The following IDS variants were observed in gnomAD, a reference collection of about 807,000 sequenced individuals.
IDS encodes alpha-L-iduronate sulfate sulfatase.
A neutral mutation model predicts 33.5 loss-of-function variants in IDS; 1 was observed. The ratio of observed to expected loss-of-function variants is 0.03; its 90% CI spans 0.01 to 0.14. The LOEUF (loss-of-function observed/expected upper bound fraction) is 0.14, where lower values mean the gene tolerates loss of function less well. Among genes scored for constraint, IDS ranks in the 10% least tolerant of loss-of-function variants. The probability of loss-of-function intolerance (pLI) is 1.00; values close to 1 mark genes in which losing one functional copy is unlikely to be tolerated. For missense variants in IDS, 328 were observed against 448.0 expected (o/e 0.73, Z 2.42); for synonymous variants, 191 against 184.4 (o/e 1.04, Z -0.29).
At chrX:149,496,562 A>G (rs2124042259) in intron 5 of IDS, 46 bp from the exon 6 acceptor site, 2 of 1,163,123 alleles carry the variant, frequency 1.7e-6, no homozygotes, top group East Asian at 5.9e-5. Flanking sequence ...CTTTTAGCAA[A>G]AGCACAAGCT....
chrX:149,496,041 G>A (rs1247815810), intron 6 of IDS, among the ~76,000 whole-genome samples: 1 of 112,312 alleles, frequency 8.9e-6, no homozygotes, highest in Non-Finnish European at 1.9e-5. Context: ...TATCCCCTGG[G>A]TTAGGAACGG....
chrX:149,482,357 T>C lies in IDS; in HGVS notation c.*389A>G, dbSNP rs2089300092. On this transcript the variant is annotated 3_prime_UTR_variant, in exon 9 of 9. Transcript: ENST00000340855. ...CCTAGTTTGATATATGATTACTTTT[T>C]GAAATGCACTAAATTCCACAAATAA... 1 of 155,400 alleles carries C rather than the reference T, an allele frequency of 6.4e-6. No individual in the cohort carries two copies. 12.8% of individuals were successfully genotyped at this position (155,400 alleles called of 1,213,427 possible). A position where few individuals can be genotyped will look rare whatever the true frequency, so the allele number is the denominator to read the frequency against.
In IDS at chrX:149,478,565, A is replaced by G. The variant is rs1180025410; in HGVS notation, c.*4181T>C. 1.8e-5 allele frequency: 2 copies of G among 113,023 alleles called. No homozygotes were observed. The highest frequency in any genetic ancestry group is 3.7e-5 in the Non-Finnish European group (2 of 53,421). The allele number at this position is 113,023 out of a possible 1,213,427, so 9.3% of individuals were successfully genotyped here. A position where few individuals can be genotyped will look rare whatever the true frequency, so the allele number is the denominator to read the frequency against. Reference sequence around the variant, plus strand: ...TGGTAGTCTGCATGTATGTAAAGCTAAATATGTCCATATCTGCATATATGT... The same window carrying G: ...TGGTAGTCTGCATGTATGTAAAGCTGAATATGTCCATATCTGCATATATGT... On this transcript the variant is annotated 3_prime_UTR_variant, in exon 9 of 9. Transcript: ENST00000340855.
Position 149,479,378 on chromosome X carries a change from T to C in IDS, c.*3368A>G, listed in dbSNP as rs782729444. ...TTACCATCAGGTTGCTTATTTTTGT[T>C]TTATGTTTTTTATTTGTATGCATGT... On this transcript the variant is annotated 3_prime_UTR_variant, in exon 9 of 9. Coordinates refer to ENST00000340855, the MANE Select transcript of IDS (RefSeq NM_000202.8). 2.7e-5 allele frequency: 3 copies of C among 112,767 alleles called. No individual in the cohort carries two copies. The South Asian group carries it at 1.1e-3, about 41-fold the overall frequency. The allele number at this position is 112,767 out of a possible 1,213,427, so 9.3% of individuals were successfully genotyped here. A position where few individuals can be genotyped will look rare whatever the true frequency, so the allele number is the denominator to read the frequency against.
intron 6 of IDS, among the ~76,000 whole-genome samples, chrX:149,494,533 G>A (rs1246656350): frequency 9.0e-6 from 1 of 111,086 alleles, no homozygotes; most frequent in Admixed American, 9.5e-5. Context: ...GCAGTGAGAT[G>A]GGCTTGGATG....
At chrX:149,492,251 A>G (rs2089399403) in intron 6 of IDS, among the ~76,000 whole-genome samples, 2 of 111,304 alleles carry the variant, frequency 1.8e-5, no homozygotes, top group Admixed American at 1.9e-4. Context: ...TCCTTTCCCT[A>G]TAGTTTTTCC....
intron 8 of IDS, among the ~76,000 whole-genome samples, chrX:149,485,741 G>C (rs2089330706): frequency 1.8e-5 from 2 of 112,274 alleles, no homozygotes; most frequent in Non-Finnish European, 3.8e-5. Flanking sequence ...TTTCAGAAAA[G>C]ATTCTCAACC....
chrX:149,491,473 C>T (rs2089391087), intron 6 of IDS: 1 of 855,091 alleles, frequency 1.2e-6, no homozygotes, highest in Non-Finnish European at 1.5e-6. Flanking sequence ...CAGCCCCTGA[C>T]TTATCAGCTG....
At chrX:149,484,398 T>A (rs1316264813) in intron 8 of IDS, among the ~76,000 whole-genome samples, 14 of 112,646 alleles carry the variant, frequency 1.2e-4, no homozygotes, top group African/African-American at 4.2e-4. Flanking sequence ...CTCAGCTCAC[T>A]GCAACCTCCG....
At chrX:149,484,855 A>C (rs782154440) in intron 8 of IDS, among the ~76,000 whole-genome samples, 1 of 112,403 alleles carries the variant, frequency 8.9e-6, no homozygotes, top group African/African-American at 3.2e-5. Flanking sequence ...TAAAAAGAAA[A>C]CAAGTAAAGA....
intron 8 of IDS, among the ~76,000 whole-genome samples, chrX:149,483,662 C>G (rs1011551855): frequency 7.1e-5 from 8 of 112,305 alleles, no homozygotes; most frequent in South Asian, 3.7e-4. Flanking sequence ...CACACCATGA[C>G]ATTTACCATC....
chrX:149,483,355 C>T lies in IDS; in HGVS notation c.1181-137G>A, dbSNP rs1232742294. On this transcript the variant is annotated intron_variant, in intron 8 of 8. Coordinates refer to ENST00000340855, the MANE Select transcript of IDS (RefSeq NM_000202.8). Reference sequence around the variant, plus strand: ...TACAACATTTATCTTTAGCAACAGACGTTTAGAAACACCACCTCGGCACCT... The same window carrying T: ...TACAACATTTATCTTTAGCAACAGATGTTTAGAAACACCACCTCGGCACCT... 56 of 489,760 alleles carry T rather than the reference C, an allele frequency of 1.1e-4. No homozygotes were observed. In the South Asian group the frequency reaches 1.8e-3, roughly 16 times the overall value. The allele number at this position is 489,760 out of a possible 1,213,427, so 40.4% of individuals were successfully genotyped here.
In IDS at chrX:149,478,170, T is replaced by C. The variant is rs1380012847; in HGVS notation, c.*4576A>G. On this transcript the variant is annotated 3_prime_UTR_variant, in exon 9 of 9. Transcript: ENST00000340855. ...AGAGAGGGAAGAGTCAGTTTCCCTC[T>C]GTAGCTAGGGTGAGGCTGCTCCAGA... 8.9e-6 allele frequency: 1 copy of C among 112,259 alleles called. No homozygotes were observed. Among genetic ancestry groups the C allele is most frequent in the Non-Finnish European group, 1.9e-5 (1 of 53,239 alleles). The allele number at this position is 112,259 out of a possible 1,213,427, so 9.3% of individuals were successfully genotyped here.
rs372205468 is a variant in IDS at position 149,482,900 on chromosome X, G to A, written c.1499C>T (p.Thr500Ile). The change falls in exon 9 of 9, where the codon ACT (threonine) becomes ATT (isoleucine). Residue 500 changes from threonine to isoleucine, a missense_variant. Thr to Ile is a moderately conservative substitution (Grantham distance 89). This residue lies in a region of IDS where 265 missense variants were observed against 339.2 expected (regional missense o/e 0.78). Transcript: ENST00000340855. ...YSIRTIDYRY[T>I]VWVGFNPDEF... ...ATCAGGATTGAAGCCAACCCACACA[G>A]TATACCTATAGTCTATGGTGCGTAT... 62 of 1,209,753 alleles carry A rather than the reference G, an allele frequency of 5.1e-5. No homozygotes were observed. In the East Asian group the frequency reaches 6.8e-4, roughly 13 times the overall value.
chrX:149,491,687 G>A, intron 6 of IDS: 1 of 986,704 alleles, frequency 1.0e-6, no homozygotes, highest in Non-Finnish European at 1.3e-6. Context: ...AAAGACACCT[G>A]TCAGGATGGC....
chrX:149,500,735 A>C (rs2089472916), intron 4 of IDS, among the ~76,000 whole-genome samples: 1 of 112,182 alleles, frequency 8.9e-6, no homozygotes, highest in Non-Finnish European at 1.9e-5. Context: ...TTTTAGAACA[A>C]GTAGCACCCA....
intron 3 of IDS, chrX:149,503,056 C>T: frequency 2.8e-6 from 3 of 1,053,392 alleles, no homozygotes; most frequent in Non-Finnish European, 2.5e-6. Context: ...CTCCCTACCA[C>T]CCGAGGAGCT....
In IDS at chrX:149,480,093, G is replaced by A. The variant is rs2089287946; in HGVS notation, c.*2653C>T. 1.0e-5 allele frequency: 3 copies of A among 291,835 alleles called. No individual in the cohort carries two copies. Among genetic ancestry groups the A allele is most frequent in the African/African-American group, 2.8e-5 (1 of 35,949 alleles). The allele number at this position is 291,835 out of a possible 1,213,427, so 24.1% of individuals were successfully genotyped here. On this transcript the variant is annotated 3_prime_UTR_variant, in exon 9 of 9. Transcript: ENST00000340855. Reference sequence around the variant, plus strand: ...GGCAAGGGAAAGGTGGGGACCAGTAGTCATACTGGTCAGCCAAGGAAAGGG... The same window carrying A: ...GGCAAGGGAAAGGTGGGGACCAGTAATCATACTGGTCAGCCAAGGAAAGGG...
chrX:149,503,316 G>C lies in IDS; in HGVS notation c.414C>G (p.His138Gln). The C allele has an allele frequency of 8.3e-7, 1 of 1,209,031 alleles. No individual in the cohort carries two copies. Residue 138 changes from histidine (H) to glutamine (Q), a missense_variant, in exon 3 of 9, where the codon CAC (histidine) becomes CAG (glutamine). His to Gln is a conservative substitution (Grantham distance 24). Coordinates refer to ENST00000340855, the MANE Select transcript of IDS (RefSeq NM_000202.8). Reference protein sequence around the residue: ...YVTMSVGKVFHPGISSNHTDD... With the variant: ...YVTMSVGKVFQPGISSNHTDD... The stretch of plus-strand genomic sequence containing the variant: ...ACTCTGGACATGGAGCAGTACCAGG[G>C]TGAAAGACTTTTCCCACCGACATGG...
Sources: gnomAD v4.1 joint callset for allele counts (sites outside exome capture counted in the v4.1 genomes callset) on GRCh38, gnomAD v4.1.1 for gene constraint, gnomAD v4.1.1 regional missense constraint, MANE v1.5 for transcripts, NCBI Gene and HGNC (gene_info 2026-07-23, HGNC 2026-07-21) for gene names.